The following RAP1A variants were observed in gnomAD, a reference collection of about 807,000 sequenced individuals.
RAP1A encodes the protein RAP1A, member of RAS oncogene family, also known as ras-related protein Rap-1A.
Under a neutral mutation model 26.4 loss-of-function variants are expected in RAP1A, and 6 were observed. That is an observed-to-expected ratio of 0.23 (90% CI 0.12 to 0.45). The LOEUF (loss-of-function observed/expected upper bound fraction) is 0.45. Ranked by LOEUF, RAP1A falls within the 20% of genes least tolerant of loss-of-function variation. RAP1A has a pLI of 0.99. For synonymous variants in RAP1A, 73 were observed against 79.4 expected (o/e 0.92, Z 0.43); for missense variants, 121 against 217.2 (o/e 0.56, Z 2.78).
At chr1:111,668,561 G>A (rs1322490980) in intron 1 of RAP1A, among the ~76,000 whole-genome samples, 1 of 152,164 alleles carries the variant, frequency 6.6e-6, no homozygotes, top group African/African-American at 2.4e-5. Context: ...AGCACAGAAT[G>A]GGGATGTAAC....
At chr1:111,628,493 C>T (rs946808978) in intron 1 of RAP1A, among the ~76,000 whole-genome samples, 6 of 152,122 alleles carry the variant, frequency 3.9e-5, no homozygotes, top group Admixed American at 1.3e-4. Flanking sequence ...CCATTGAATG[C>T]TACGTTGATA....
At chr1:111,690,242 C>T (rs1239199926) in intron 1 of RAP1A, among the ~76,000 whole-genome samples, 1 of 152,166 alleles carries the variant, frequency 6.6e-6, no homozygotes, top group Admixed American at 6.5e-5. Flanking sequence ...TTTGAGGTTT[C>T]TACTGAATTC....
chr1:111,619,958 A>G (rs1659134530), intron 1 of RAP1A, 24 bp downstream of exon 1: 1 of 396,892 alleles, frequency 2.5e-6, no homozygotes, highest in East Asian at 3.6e-5. Flanking sequence ...GGGGAGCTCC[A>G]GACGGCCCCA....
chr1:111,569,297 A>G (rs918157697), intron 1 of RAP1A, among the ~76,000 whole-genome samples: 6 of 151,402 alleles, frequency 4.0e-5, no homozygotes, highest in Admixed American at 3.3e-4. Flanking sequence ...GCTACCTGGG[A>G]AGCTGAGGCG....
intron 1 of RAP1A, among the ~76,000 whole-genome samples, chr1:111,609,777 A>G (rs918642127): frequency 6.6e-6 from 1 of 152,132 alleles, no homozygotes; most frequent in Non-Finnish European, 1.5e-5. Context: ...CTGGGATTAC[A>G]GGCACGCACC....
chr1:111,675,533 C>T (rs1224550595), intron 1 of RAP1A, among the ~76,000 whole-genome samples: 2 of 152,092 alleles, frequency 1.3e-5, no homozygotes, highest in African/African-American at 4.8e-5. Flanking sequence ...TTCCCTAGCC[C>T]ATTAATTTTG....
At chr1:111,656,786 G>A (rs201390778) in intron 1 of RAP1A, among the ~76,000 whole-genome samples, 1 of 144,580 alleles carries the variant, frequency 6.9e-6, no homozygotes, top group Non-Finnish European at 1.5e-5. Context: ...TGCTCTGATT[G>A]TTTTTTTTTT....
At position 111,703,395 on chromosome 1, in the gene RAP1A, A is replaced by G. The variant is rs371168796; in HGVS notation, c.243A>G (p.Val81=). The part of the protein sequence containing the change: ...YMKNGQGFAL[V]YSITAQSTFN... The stretch of plus-strand genomic sequence containing the variant: ...AGAACGGCCAAGGTTTTGCACTAGT[A>G]TATTCTATTACAGCTCAGTCCACGT... Residue 81 remains valine (V), a synonymous_variant, in exon 5 of 8, where the codon GTA becomes GTG. Coordinates refer to ENST00000369709, the MANE Select transcript of RAP1A (RefSeq NM_002884.4). 3 of 1,604,222 alleles carry G rather than the reference A, an allele frequency of 1.9e-6. No individual in the cohort carries two copies. The highest frequency in any genetic ancestry group is 1.7e-6 in the Non-Finnish European group (2 of 1,172,808).
intron 7 of RAP1A, among the ~76,000 whole-genome samples, chr1:111,710,241 A>G (rs1178103467): frequency 6.6e-6 from 1 of 152,176 alleles, no homozygotes; most frequent in Non-Finnish European, 1.5e-5. Context: ...AACTTCTTTC[A>G]AATAAAGGTT....
intron 1 of RAP1A, among the ~76,000 whole-genome samples, chr1:111,659,461 A>T (rs958526429): frequency 1.3e-5 from 2 of 151,626 alleles, no homozygotes; most frequent in Admixed American, 1.3e-4. Flanking sequence ...TGGGTTTCTT[A>T]TAGACAACAT....
At chr1:111,544,368 T>A (rs766237497) in intron 1 of RAP1A, among the ~76,000 whole-genome samples, 1 of 152,172 alleles carries the variant, frequency 6.6e-6, no homozygotes, top group Non-Finnish European at 1.5e-5. Flanking sequence ...CCCAATTTCC[T>A]CTTCCCCTCA....
intron 1 of RAP1A, among the ~76,000 whole-genome samples, chr1:111,675,112 C>T (rs781575065): frequency 2.0e-5 from 3 of 152,080 alleles, no homozygotes; most frequent in Non-Finnish European, 4.4e-5. Flanking sequence ...CTTGGAATGT[C>T]CTTCTAAGCA....
chr1:111,597,055 C>T lies in RAP1A; in HGVS notation c.-28+54546C>T, dbSNP rs550910674. On this transcript the variant is annotated intron_variant, in intron 1 of 7. Transcript: ENST00000356415. ...TCAATGCCTGCATATAAATGTATTC[C>T]TCAAGATGTGTGGTCTGAATTGAGG... 5.9e-5 allele frequency among the ~76,000 whole-genome samples: 9 copies of T among 152,212 alleles called. No individual in the cohort carries two copies. The South Asian group carries it at 1.9e-3, about 32-fold the overall frequency.
At chr1:111,698,764 G>T (rs1478069493) in intron 4 of RAP1A, among the ~76,000 whole-genome samples, 1 of 151,788 alleles carries the variant, frequency 6.6e-6, no homozygotes, top group East Asian at 1.9e-4. Context: ...TCTTATCAGG[G>T]ACCTTTGCCC....
intron 1 of RAP1A, among the ~76,000 whole-genome samples, chr1:111,565,384 T>A (rs778420216): frequency 8.5e-5 from 13 of 152,194 alleles, no homozygotes; most frequent in Non-Finnish European, 1.5e-4. Flanking sequence ...CAGAGATGAA[T>A]AAGACAAAGG....
chr1:111,614,044 A>G (rs1460423448), intron 1 of RAP1A, among the ~76,000 whole-genome samples: 1 of 152,252 alleles, frequency 6.6e-6, no homozygotes, highest in Non-Finnish European at 1.5e-5. Context: ...AGTAATGAAT[A>G]AAGCAAATCA....
intron 6 of RAP1A, among the ~76,000 whole-genome samples, chr1:111,707,393 A>G (rs960848917): frequency 1.3e-5 from 2 of 152,222 alleles, no homozygotes; most frequent in African/African-American, 4.8e-5. Flanking sequence ...TGTAAGAACA[A>G]TAAAGAAGAA....
At chr1:111,658,264 CACATCACTTAACA>C (rs2101151700) in intron 1 of RAP1A, among the ~76,000 whole-genome samples, 1 of 152,186 alleles carries the variant, frequency 6.6e-6, no homozygotes, top group East Asian at 1.9e-4. Context: ...AATACAGTCA[CACATCACTTAACA>C]ACATATCTCC....
chr1:111,588,867 A>T (rs1412704622), intron 1 of RAP1A, among the ~76,000 whole-genome samples: 1 of 152,250 alleles, frequency 6.6e-6, no homozygotes, highest in African/African-American at 2.4e-5. Flanking sequence ...TGTTAAAAAT[A>T]TTAGCATTAA....
Sources: allele counts gnomAD v4.1 joint callset (sites outside exome capture counted in the v4.1 genomes callset), GRCh38; gene constraint gnomAD v4.1.1; transcripts MANE v1.5; gene names NCBI Gene and HGNC (gene_info 2026-07-23, HGNC 2026-07-21).